The following TLN2 variants were observed in gnomAD, a reference collection of about 807,000 sequenced individuals.
The protein encoded by TLN2 is talin-2.
In TLN2, 118 loss-of-function variants were observed where a neutral mutation model predicts 294.7. The ratio of observed to expected loss-of-function variants is 0.40; its 90% CI spans 0.34 to 0.47. TLN2 has a LOEUF of 0.47. Ranked by LOEUF, TLN2 falls within the 20% of genes least tolerant of loss-of-function variation. TLN2 has a pLI of 0.84. For synonymous variants in TLN2, 1,431 were observed against 1,304.5 expected (o/e 1.10, Z -2.09); for missense variants, 3,083 against 3,282.2 (o/e 0.94, Z 1.48).
chr15:62,636,432 A>T (rs2050392510), intron 3 of TLN2, among the ~76,000 whole-genome samples: 1 of 152,236 alleles, frequency 6.6e-6, no homozygotes, highest in Non-Finnish European at 1.5e-5. Flanking sequence ...CTTTGAGTCT[A>T]CACAAATGGA....
intron 9 of TLN2, among the ~76,000 whole-genome samples, chr15:62,661,402 C>T (rs1181616922): frequency 6.6e-6 from 1 of 152,082 alleles, no homozygotes; most frequent in African/African-American, 2.4e-5. Context: ...AACCAGACTT[C>T]ACAAGTTCTT....
chr15:62,591,776 T>C (rs2046095029), intron 2 of TLN2, among the ~76,000 whole-genome samples: 1 of 151,610 alleles, frequency 6.6e-6, no homozygotes, highest in Non-Finnish European at 1.5e-5. Context: ...CCAGGCTGGG[T>C]GTGGAGGTCG....
At chr15:62,407,677 G>A (rs1221255695) in intron 1 of TLN2, among the ~76,000 whole-genome samples, 2 of 152,180 alleles carry the variant, frequency 1.3e-5, no homozygotes, top group Non-Finnish European at 2.9e-5. Flanking sequence ...AACACTTTGG[G>A]AGGTTAAGGT....
Position 62,761,721 on chromosome 15 carries a change from G to A in TLN2, c.4679G>A (p.Cys1560Tyr), listed in dbSNP as rs2062684618. 1 of 1,613,994 alleles carries A rather than the reference G, an allele frequency of 6.2e-7. No individual in the cohort carries two copies. Among genetic ancestry groups the A allele is most frequent in the African/African-American group, 1.3e-5 (1 of 74,872 alleles). Residue 1560 changes from cysteine to tyrosine, a missense_variant, in exon 38 of 59, where the codon TGT becomes TAT. Physicochemically the swap from Cys to Tyr is radical, Grantham distance 194. Coordinates refer to ENST00000636159, the MANE Select transcript of TLN2 (RefSeq NM_015059.3). The part of the protein sequence containing the change: ...GDFSEDNRNK[C>Y]RIATAPLIEA... Reference sequence around the variant, plus strand: ...TTCTCTGAAGACAACCGCAATAAGTGTCGCATCGCCACCGCACCCTTGATT... The same window carrying A: ...TTCTCTGAAGACAACCGCAATAAGTATCGCATCGCCACCGCACCCTTGATT...
At chr15:62,479,482 T>C (rs1048644265) in intron 1 of TLN2, among the ~76,000 whole-genome samples, 4 of 152,246 alleles carry the variant, frequency 2.6e-5, no homozygotes, top group African/African-American at 7.2e-5. Context: ...TGTCTTTATT[T>C]TTATTTTTTT....
At chr15:62,821,980 G>T (rs1430105070) in intron 54 of TLN2, among the ~76,000 whole-genome samples, 1 of 152,180 alleles carries the variant, frequency 6.6e-6, no homozygotes, top group Non-Finnish European at 1.5e-5. Context: ...CTTGGGGAGG[G>T]CTCTGTCCGC....
At chr15:62,676,548 A>T (rs1425357916) in intron 11 of TLN2, among the ~76,000 whole-genome samples, 1 of 152,208 alleles carries the variant, frequency 6.6e-6, no homozygotes, top group Non-Finnish European at 1.5e-5. Context: ...ATGTTTAGTA[A>T]ACAGCCATCC....
chr15:62,591,927 G>A (rs1205150209), intron 2 of TLN2, among the ~76,000 whole-genome samples: 4 of 152,140 alleles, frequency 2.6e-5, no homozygotes, highest in African/African-American at 9.7e-5. Flanking sequence ...GTGCTGAGTG[G>A]TCCAATCTGG....
At chr15:62,689,850 T>C in intron 12 of TLN2, among the ~76,000 whole-genome samples, 1 of 35,620 alleles carries the variant, frequency 2.8e-5, no homozygotes, top group African/African-American at 1.2e-4. Flanking sequence ...GGGCTTCTTT[T>C]TTTTTTTTTT....
At chr15:62,596,024 T>G (rs946174941) in intron 2 of TLN2, among the ~76,000 whole-genome samples, 1 of 151,908 alleles carries the variant, frequency 6.6e-6, no homozygotes, top group Non-Finnish European at 1.5e-5. Flanking sequence ...GCCTGTAATC[T>G]CAGCACTTTG....
At chr15:62,469,040 G>A (rs2037316688) in intron 1 of TLN2, among the ~76,000 whole-genome samples, 1 of 152,198 alleles carries the variant, frequency 6.6e-6, no homozygotes, top group African/African-American at 2.4e-5. Flanking sequence ...AATTTACAAT[G>A]TTTTCGTGAA....
chr15:62,414,617 G>C (rs1403680264), intron 1 of TLN2, among the ~76,000 whole-genome samples: 1 of 141,518 alleles, frequency 7.1e-6, no homozygotes, highest in Non-Finnish European at 1.5e-5. Flanking sequence ...CTGTCATACA[G>C]TATGTAACAG....
intron 43 of TLN2, 141 bp downstream of exon 43, chr15:62,777,051 C>T (rs2141067628): frequency 1.4e-6 from 1 of 710,344 alleles, no homozygotes; most frequent in East Asian, 3.4e-5. Context: ...GATATCCAGT[C>T]ACATGTCCAA....
chr15:62,721,454 C>G (rs968934653), intron 25 of TLN2, among the ~76,000 whole-genome samples: 2 of 151,946 alleles, frequency 1.3e-5, no homozygotes, highest in Non-Finnish European at 1.5e-5. Context: ...TTTTATTATG[C>G]AAAATTATGT....
intron 1 of TLN2, among the ~76,000 whole-genome samples, chr15:62,455,671 A>G (rs1216527816): frequency 1.3e-5 from 2 of 152,206 alleles, no homozygotes; most frequent in Admixed American, 1.3e-4. Flanking sequence ...GTTTGTTCCC[A>G]GGTGCCCTGC....
At chr15:62,513,673 G>A (rs1248015647) in intron 1 of TLN2, among the ~76,000 whole-genome samples, 1 of 152,220 alleles carries the variant, frequency 6.6e-6, no homozygotes, top group Non-Finnish European at 1.5e-5. Flanking sequence ...AGGTGTAACA[G>A]ATACTAAAGG....
At chr15:62,756,039 A>G (rs1470338477) in intron 37 of TLN2, among the ~76,000 whole-genome samples, 9 of 152,158 alleles carry the variant, frequency 5.9e-5, no homozygotes, top group Non-Finnish European at 8.8e-5. Flanking sequence ...TACTTAAATG[A>G]TATGTTTACT....
intron 21 of TLN2, among the ~76,000 whole-genome samples, chr15:62,709,953 T>G (rs149762601): frequency 0.015 from 2,335 of 152,276 alleles, 68 homozygotes; most frequent in African/African-American, 0.054. Flanking sequence ...CAGGCTGGTC[T>G]CGAACTCCTG....
At chr15:62,498,153 C>CAAAAAAAAAAAAAAAAAAA in intron 1 of TLN2, among the ~76,000 whole-genome samples, 1 of 93,384 alleles carries the variant, frequency 1.1e-5, no homozygotes, top group Non-Finnish European at 2.2e-5. Flanking sequence ...GACCCTGCCT[C>CAAAAAAAAAAAAAAAAAAA]AAAAAAAAAA....
Sources: allele counts gnomAD v4.1 joint callset (sites outside exome capture counted in the v4.1 genomes callset), GRCh38; gene constraint gnomAD v4.1.1; transcripts MANE v1.5; gene names NCBI Gene and HGNC (gene_info 2026-07-23, HGNC 2026-07-21).